NOL4: variants seen among roughly 807,000 people sequenced by gnomAD.
NOL4 encodes the protein nucleolar protein 4, also known as cancer/testis antigen 125.
A neutral mutation model predicts 75.9 loss-of-function variants in NOL4; 17 were observed. The observed-to-expected ratio is 0.22, with a 90% CI of 0.15 to 0.34. The LOEUF is 0.34. Among genes scored for constraint, NOL4 ranks in the 10% least tolerant of loss-of-function variants. The pLI is 1.00. For synonymous variants in NOL4, 292 were observed against 289.9 expected (o/e 1.01, Z -0.07); for missense variants, 614 against 793.5 (o/e 0.77, Z 2.72).
At chr18:34,137,386 A>G (rs546542492) in intron 1 of NOL4, among the ~76,000 whole-genome samples, 37 of 152,332 alleles carry the variant, frequency 2.4e-4, no homozygotes, top group African/African-American at 8.2e-4. Context: ...TGGAAATCAT[A>G]TACCTAATAA....
intron 9 of NOL4, among the ~76,000 whole-genome samples, chr18:33,921,821 C>T (rs1324870396): frequency 6.6e-6 from 1 of 152,184 alleles, no homozygotes; most frequent in Non-Finnish European, 1.5e-5. Context: ...CTGTAGTGAA[C>T]ACTGTTTTTC....
intron 5 of NOL4, among the ~76,000 whole-genome samples, chr18:34,068,175 T>C (rs970843838): frequency 1.3e-5 from 2 of 152,158 alleles, no homozygotes; most frequent in Admixed American, 6.5e-5. Flanking sequence ...GCAGACCTGC[T>C]ACAGAGGGAG....
chr18:33,888,194 A>G (rs1467001366), intron 9 of NOL4, among the ~76,000 whole-genome samples: 1 of 151,898 alleles, frequency 6.6e-6, no homozygotes, highest in African/African-American at 2.4e-5. Flanking sequence ...GCATTTTTTC[A>G]TGTTTGTTGG....
At chr18:33,971,770 T>C (rs2071082791) in intron 6 of NOL4, among the ~76,000 whole-genome samples, 1 of 151,996 alleles carries the variant, frequency 6.6e-6, no homozygotes, top group Non-Finnish European at 1.5e-5. Flanking sequence ...TTTATATAAA[T>C]ATTTTTTTTT....
intron 4 of NOL4, among the ~76,000 whole-genome samples, chr18:34,093,822 G>C (rs578090350): frequency 6.6e-6 from 1 of 152,104 alleles, no homozygotes. Flanking sequence ...GGCAGATCAC[G>C]AGGTCAGGAG....
intron 9 of NOL4, among the ~76,000 whole-genome samples, chr18:33,915,566 G>A (rs545092413): frequency 6.6e-6 from 1 of 152,160 alleles, no homozygotes; most frequent in South Asian, 2.1e-4. Context: ...AGTAAATAAG[G>A]AGACGGACTG....
intron 6 of NOL4, among the ~76,000 whole-genome samples, chr18:34,006,731 T>G (rs140756578): frequency 1.3e-5 from 2 of 152,142 alleles, no homozygotes; most frequent in East Asian, 3.9e-4. Context: ...CTGATAGAAT[T>G]CATTGGTCTT....
chr18:34,126,106 CCTT>C (rs2080376217), intron 2 of NOL4, among the ~76,000 whole-genome samples: 1 of 152,130 alleles, frequency 6.6e-6, no homozygotes, highest in Non-Finnish European at 1.5e-5. Flanking sequence ...TGCTGCCTGT[CCTT>C]CTACGTGAAA....
intron 4 of NOL4, among the ~76,000 whole-genome samples, chr18:34,103,635 T>C (rs987925618): frequency 2.0e-5 from 3 of 152,042 alleles, no homozygotes; most frequent in Non-Finnish European, 4.4e-5. Flanking sequence ...GAAATGATAA[T>C]ACTTGAAATA....
At chr18:34,064,899 A>G (rs1354599468) in intron 5 of NOL4, among the ~76,000 whole-genome samples, 1 of 150,042 alleles carries the variant, frequency 6.7e-6, no homozygotes, top group Non-Finnish European at 1.5e-5. Flanking sequence ...CATGAGTTTT[A>G]TTCCCTATGG....
intron 1 of NOL4, among the ~76,000 whole-genome samples, chr18:34,204,402 G>C (rs953011757): frequency 7.6e-6 from 1 of 132,106 alleles, no homozygotes; most frequent in Admixed American, 7.2e-5. Context: ...ATATTCTGAG[G>C]TTTAATATTC....
chr18:33,892,305 C>T (rs1207396200), intron 9 of NOL4, among the ~76,000 whole-genome samples: 1 of 151,976 alleles, frequency 6.6e-6, no homozygotes, highest in Non-Finnish European at 1.5e-5. Flanking sequence ...GTGGAATGTG[C>T]CTGTAGTCCT....
chr18:33,903,882 T>A (rs1476734877), intron 9 of NOL4, among the ~76,000 whole-genome samples: 1 of 152,138 alleles, frequency 6.6e-6, no homozygotes, highest in African/African-American at 2.4e-5. Context: ...TTATACAAAA[T>A]CAACCACCCT....
chr18:33,953,183 A>T (rs1244228484), intron 8 of NOL4, among the ~76,000 whole-genome samples: 1 of 114,234 alleles, frequency 8.8e-6, no homozygotes, highest in Non-Finnish European at 2.1e-5. Flanking sequence ...ATGTTAGAAG[A>T]AAAGCGTTTT....
At chr18:34,214,046 C>CA (rs1363005663) in intron 1 of NOL4, among the ~76,000 whole-genome samples, 1 of 152,078 alleles carries the variant, frequency 6.6e-6, no homozygotes, top group East Asian at 1.9e-4. Flanking sequence ...ACTAAGAGGT[C>CA]AACAATTATT....
chr18:34,028,943 T>G (rs1052457472), intron 5 of NOL4, among the ~76,000 whole-genome samples: 3 of 152,186 alleles, frequency 2.0e-5, no homozygotes, highest in African/African-American at 4.8e-5. Context: ...CCAAAGAGTA[T>G]ATGTCTATAT....
intron 6 of NOL4, among the ~76,000 whole-genome samples, chr18:33,960,838 T>A (rs2070056424): frequency 6.6e-6 from 1 of 152,118 alleles, no homozygotes; most frequent in Non-Finnish European, 1.5e-5. Flanking sequence ...TCAGTAGAAA[T>A]CAATTCCTAA....
intron 10 of NOL4, among the ~76,000 whole-genome samples, chr18:33,854,586 A>G (rs368428559): frequency 1.3e-5 from 2 of 152,010 alleles, no homozygotes; most frequent in African/African-American, 4.8e-5. Context: ...TTAAAAAGGC[A>G]TTATAACAGG....
chr18:34,001,247 G>A (rs955249242), intron 6 of NOL4, among the ~76,000 whole-genome samples: 1 of 152,086 alleles, frequency 6.6e-6, no homozygotes, highest in Admixed American at 6.6e-5. Flanking sequence ...TAAATAGACT[G>A]AGATTAGCAT....
Sources: gnomAD v4.1 joint callset for allele counts (sites outside exome capture counted in the v4.1 genomes callset) on GRCh38, gnomAD v4.1.1 for gene constraint, MANE v1.5 for transcripts, NCBI Gene and HGNC (gene_info 2026-07-23, HGNC 2026-07-21) for gene names.